The following DAAM1 variants were observed in gnomAD, a reference collection of about 807,000 sequenced individuals.
The protein encoded by DAAM1 is dishevelled associated activator of morphogenesis 1.
In DAAM1, 52 loss-of-function variants were observed where a neutral mutation model predicts 130.0. The observed-to-expected ratio is 0.40, with a 90% CI of 0.32 to 0.50. The LOEUF (loss-of-function observed/expected upper bound fraction) is 0.50. Ranked by LOEUF, DAAM1 falls within the 20% of genes least tolerant of loss-of-function variation. The probability of loss-of-function intolerance (pLI) is 0.61; values close to 1 mark genes in which losing one functional copy is unlikely to be tolerated. For missense variants in DAAM1, 1,134 were observed against 1,303.8 expected (o/e 0.87, Z 2.01); for synonymous variants, 452 against 444.5 (o/e 1.02, Z -0.21).
Position 59,330,624 on chromosome 14 carries a change from C to T in DAAM1, c.1496C>T (p.Thr499Ile). 1 of 1,614,008 alleles carries T rather than the reference C, an allele frequency of 6.2e-7. No individual in the cohort carries two copies. The highest frequency in any genetic ancestry group is 8.5e-7 in the Non-Finnish European group (1 of 1,180,004). The change falls in exon 13 of 25, where the codon ACT becomes ATT. Residue 499 changes from threonine to isoleucine, a missense_variant. Coordinates refer to ENST00000360909, the MANE Select transcript of DAAM1 (RefSeq NM_001270520.2). ...KMKEKLEKET[T>I]EHKQVKQQVA... ...AAAGAGAAACTTGAAAAGGAGACTA[C>T]TGAGCATAAGCAAGTCAAGCAGCAG...
intron 2 of DAAM1, among the ~76,000 whole-genome samples, chr14:59,282,057 T>C (rs1221617245): frequency 6.6e-6 from 1 of 152,190 alleles, no homozygotes; most frequent in East Asian, 1.9e-4. Flanking sequence ...TGCAGTGCTT[T>C]CTACCTCTTT....
intron 15 of DAAM1, among the ~76,000 whole-genome samples, chr14:59,334,475 A>C (rs1223836660): frequency 6.6e-6 from 1 of 152,164 alleles, no homozygotes; most frequent in Admixed American, 6.5e-5. Context: ...CACCCTGTTC[A>C]AACTCTCTGG....
chr14:59,339,934 C>CACTT, intron 15 of DAAM1, 140 bp from the exon 16 acceptor site: 1 of 563,018 alleles, frequency 1.8e-6, no homozygotes, highest in Non-Finnish European at 3.0e-6. Flanking sequence ...TCATTCTCCA[C>CACTT]ACTTCCCACC....
chr14:59,331,502 G>A lies in DAAM1; in HGVS notation c.1854G>A (p.Leu618=). 3 of 1,585,720 alleles carry A rather than the reference G, an allele frequency of 1.9e-6. No homozygotes were observed. The highest frequency in any genetic ancestry group is 2.6e-6 in the Non-Finnish European group (3 of 1,163,726). ...TGAAATCCTTCAACTGGTCTAAACTGCCCGAGGTGAGCCATTTGTTCCAGT... is the reference window on the plus strand; with the variant it reads ...TGAAATCCTTCAACTGGTCTAAACTACCCGAGGTGAGCCATTTGTTCCAGT... ...NALKSFNWSK[L]PENKLEGTVW... is the part of the protein sequence containing the mutation. The change falls in exon 14 of 25, where the codon CTG becomes CTA. Residue 618 remains leucine (L), a synonymous_variant. Coordinates refer to ENST00000360909, the MANE Select transcript of DAAM1 (RefSeq NM_001270520.2).
intron 3 of DAAM1, among the ~76,000 whole-genome samples, chr14:59,302,399 A>G (rs1655661334): frequency 6.6e-6 from 1 of 152,336 alleles, no homozygotes; most frequent in African/African-American, 2.4e-5. Context: ...AGTCATGGGG[A>G]GCATGAAGGT....
At chr14:59,282,366 AT>A (rs769526502) in intron 2 of DAAM1, among the ~76,000 whole-genome samples, 108 of 152,254 alleles carry the variant, frequency 7.1e-4, no homozygotes, top group Non-Finnish European at 1.1e-3. Flanking sequence ...ATTCAACAAC[AT>A]TTTTTTGATA....
Position 59,323,905 on chromosome 14 carries a change from G to A in DAAM1, c.775-223G>A, listed in dbSNP as rs370386516. Among the ~76,000 whole-genome samples the A allele has an allele frequency of 2.0e-4, 31 of 151,900 alleles. No homozygotes were observed. In the South Asian group the frequency reaches 5.9e-3, roughly 29 times the overall value. On this transcript the variant is annotated intron_variant, in intron 6 of 24. Transcript: ENST00000360909. ...AAATTAGCTGGGTGTGATGGTGGGC[G>A]CCTGTAGTCCCAGCTACTCGGGAGG...
intron 7 of DAAM1, 52 bp downstream of exon 7, chr14:59,324,290 AAG>A (rs1348055669): frequency 4.9e-6 from 7 of 1,416,448 alleles, no homozygotes; most frequent in Non-Finnish European, 4.7e-6. Flanking sequence ...AATTTATAAA[AAG>A]TGATTATTAT....
At chr14:59,335,970 A>G (rs1377439962) in intron 15 of DAAM1, among the ~76,000 whole-genome samples, 1 of 151,364 alleles carries the variant, frequency 6.6e-6, no homozygotes, top group Non-Finnish European at 1.5e-5. Flanking sequence ...AGTAGGCTTG[A>G]TCCTTAGCCA....
intron 1 of DAAM1, among the ~76,000 whole-genome samples, chr14:59,241,939 C>T (rs971262470): frequency 6.6e-6 from 1 of 152,034 alleles, no homozygotes; most frequent in African/African-American, 2.4e-5. Context: ...GTTACCTATA[C>T]AAGGATATGA....
chr14:59,295,875 C>G (rs879640389), intron 3 of DAAM1, among the ~76,000 whole-genome samples: 1 of 152,132 alleles, frequency 6.6e-6, no homozygotes, highest in Non-Finnish European at 1.5e-5. Context: ...CTTTCTTTTA[C>G]TGTGGTTGAT....
chr14:59,322,208 G>A (rs985252510), intron 5 of DAAM1, among the ~76,000 whole-genome samples: 5 of 152,064 alleles, frequency 3.3e-5, no homozygotes, highest in African/African-American at 1.2e-4. Context: ...TTAAAAGTGC[G>A]TCAGCAATCA....
rs572682102 is a variant in DAAM1, at chr14:59,247,816, G to A, written c.-37-15625G>A. On this transcript the variant is annotated intron_variant, in intron 1 of 24. Coordinates refer to ENST00000360909, the MANE Select transcript of DAAM1 (RefSeq NM_001270520.2). The stretch of plus-strand genomic sequence containing the variant: ...GTTTTGGTATCTTATTTTATCACAT[G>A]CTCAATAATTTCTTTGCATGTTTAA... Among the ~76,000 whole-genome samples, 9 of 151,586 alleles carry A rather than the reference G, an allele frequency of 5.9e-5. No homozygotes were observed. In the East Asian group the frequency reaches 1.5e-3, roughly 26 times the overall value.
At chr14:59,367,960 A>G (rs1205001561) in intron 24 of DAAM1, among the ~76,000 whole-genome samples, 1 of 152,222 alleles carries the variant, frequency 6.6e-6, no homozygotes, top group Admixed American at 6.5e-5. Context: ...TATAACAGCC[A>G]TATAATGGAA....
At chr14:59,257,600 C>T (rs1449549648) in intron 1 of DAAM1, among the ~76,000 whole-genome samples, 5 of 152,130 alleles carry the variant, frequency 3.3e-5, no homozygotes, top group Non-Finnish European at 5.9e-5. Flanking sequence ...AGTGCACGCA[C>T]GTGCCTGCGT....
At chr14:59,239,127 A>G (rs1889399542) in intron 1 of DAAM1, among the ~76,000 whole-genome samples, 1 of 152,314 alleles carries the variant, frequency 6.6e-6, no homozygotes, top group South Asian at 2.1e-4. Flanking sequence ...TTGTTGGGAA[A>G]ATAAAATGAT....
Position 59,355,224 on chromosome 14 carries a change from G to A in DAAM1, c.2416G>A (p.Val806Met), listed in dbSNP as rs770198358. 3 of 1,614,062 alleles carry A rather than the reference G, an allele frequency of 1.9e-6. No individual in the cohort carries two copies. The highest frequency in any genetic ancestry group is 2.5e-6 in the Non-Finnish European group (3 of 1,180,032). Residue 806 changes from valine (V) to methionine (M), a missense_variant, in exon 20 of 25, where the codon GTG (valine) becomes ATG (methionine). Physicochemically the swap from Val to Met is conservative, Grantham distance 21. Transcript: ENST00000360909. ...TGGTGCCCTCAAGCAGTTGCTGGAG[G>A]TGGTTTTGGCATTTGGAAATTATAT... ...RSGALKQLLE[V>M]VLAFGNYMNK...
chr14:59,333,834 A>G (rs1403425330), intron 15 of DAAM1, among the ~76,000 whole-genome samples: 1 of 152,250 alleles, frequency 6.6e-6, no homozygotes, highest in Non-Finnish European at 1.5e-5. Context: ...AAGGTGCAGA[A>G]GGATACTGCC....
chr14:59,193,585 A>T lies in DAAM1; in HGVS notation c.-38+4817A>T, dbSNP rs118146862. Among the ~76,000 whole-genome samples, 129 of 152,294 alleles carry T rather than the reference A, an allele frequency of 8.5e-4. 2 individuals are homozygous for T. The East Asian group carries it at 0.022, about 26-fold the overall frequency. On this transcript the variant is annotated intron_variant, in intron 1 of 24. Coordinates refer to ENST00000360909, the MANE Select transcript of DAAM1 (RefSeq NM_001270520.2). ...AGAACATGTGTCTAAAAATGAACTG[A>T]ATGTTAAGTCCTAGAAGCACAGCAA...
Sources: allele counts gnomAD v4.1 joint callset (sites outside exome capture counted in the v4.1 genomes callset), GRCh38; gene constraint gnomAD v4.1.1; transcripts MANE v1.5; gene names NCBI Gene and HGNC (gene_info 2026-07-23, HGNC 2026-07-21).